The following SPATA3 variants were observed in gnomAD, a reference collection of about 807,000 sequenced individuals.
The protein encoded by SPATA3 is spermatogenesis-associated protein 3.
A neutral mutation model predicts 5.7 loss-of-function variants in SPATA3; 6 were observed. The observed-to-expected ratio is 1.06, with a 90% CI of 0.58 to 2.09. The LOEUF (loss-of-function observed/expected upper bound fraction) is 2.09. SPATA3 is among the 30% of genes most tolerant of loss of function. The pLI, the probability that SPATA3 is intolerant of heterozygous loss-of-function variation, is 0.00. For missense variants in SPATA3, 155 were observed against 130.4 expected (o/e 1.19, Z -0.92); for synonymous variants, 44 against 48.4 (o/e 0.91, Z 0.37).
intron 2 of SPATA3, 31 bp downstream of exon 2, chr2:231,000,568 G>A: frequency 6.8e-7 from 1 of 1,468,864 alleles, no homozygotes; most frequent in Non-Finnish European, 9.1e-7. Context: ...GAGCCTCGGG[G>A]CACACAGTCC....
chr2:231,019,163 G>T (rs1693012119), intron 6 of SPATA3, among the ~76,000 whole-genome samples: 1 of 150,080 alleles, frequency 6.7e-6, no homozygotes, highest in East Asian at 2.0e-4. Flanking sequence ...TAGAGACGGG[G>T]TTTCACCATG....
chr2:231,000,263 C>T, intron 1 of SPATA3, 103 bp from the exon 2 acceptor site: 3 of 1,097,442 alleles, frequency 2.7e-6, no homozygotes, highest in Non-Finnish European at 3.7e-6. Context: ...AATCCTGCAG[C>T]TGCTGCCGTT....
intron 6 of SPATA3, among the ~76,000 whole-genome samples, chr2:231,015,421 G>A (rs529688414): frequency 6.6e-6 from 1 of 152,266 alleles, no homozygotes; most frequent in South Asian, 2.1e-4. Context: ...GGAATTAGGG[G>A]AGGTGTGGGT....
intron 6 of SPATA3, among the ~76,000 whole-genome samples, chr2:231,016,752 C>T (rs1377333888): frequency 6.6e-6 from 1 of 152,112 alleles, no homozygotes; most frequent in Non-Finnish European, 1.5e-5. Context: ...GCAGCCAGGC[C>T]TTCTAGGGGG....
rs950354565 is a variant in SPATA3 at position 231,002,630 on chromosome 2, G to C, written c.963-54G>C. On this transcript the variant is annotated intron_variant, in intron 2 of 2. Transcript: ENST00000645363. The stretch of plus-strand genomic sequence containing the variant: ...TAATTTCCACTTTCTCCTGTTCGTA[G>C]AGAGGCACTGAAGCCCAGCTTCCCA... The C allele has an allele frequency of 1.4e-5, 16 of 1,134,076 alleles. No homozygotes were observed. The Admixed American group carries it at 3.8e-4, about 27-fold the overall frequency. The allele number at this position is 1,134,076 out of a possible 1,614,324, so 70.3% of individuals were successfully genotyped here.
At chr2:231,014,690 C>T (rs563831151) in intron 6 of SPATA3, among the ~76,000 whole-genome samples, 1 of 152,242 alleles carries the variant, frequency 6.6e-6, no homozygotes, top group South Asian at 2.1e-4. Flanking sequence ...TCCAAAAGGA[C>T]ACCCACCAAG....
downstream of SPATA3, among the ~76,000 whole-genome samples, chr2:231,005,429 A>ATG (rs1692567280): frequency 1.0e-5 from 1 of 97,616 alleles, no homozygotes; most frequent in South Asian, 4.1e-4. Flanking sequence ...CATCACCACC[A>ATG]CCACCACAAT....
chr2:231,008,872 G>T (rs1472267597), downstream of SPATA3, among the ~76,000 whole-genome samples: 1 of 152,202 alleles, frequency 6.6e-6, no homozygotes, highest in African/African-American at 2.4e-5. Context: ...CTCTGTAGCA[G>T]AGTTAGTTCC....
At chr2:230,998,102 C>T (rs944872119) in intron 1 of SPATA3, among the ~76,000 whole-genome samples, 1 of 152,138 alleles carries the variant, frequency 6.6e-6, no homozygotes, top group African/African-American at 2.4e-5. Flanking sequence ...CATCTCTGTC[C>T]GAGCATCTCC....
chr2:231,013,764 T>C (rs1295767466), intron 5 of SPATA3: 2 of 152,210 alleles, frequency 1.3e-5, no homozygotes, highest in African/African-American at 2.4e-5. Context: ...ATGTTTTTAA[T>C]TGTACTGGCA....
At chr2:230,999,375 G>T (rs2125094990) in intron 1 of SPATA3, among the ~76,000 whole-genome samples, 2 of 152,226 alleles carry the variant, frequency 1.3e-5, no homozygotes, top group South Asian at 4.2e-4. Flanking sequence ...GAATTTTATT[G>T]CCTGGGAATG....
intron 1 of SPATA3, 138 bp downstream of exon 1, chr2:230,996,672 T>C: frequency 8.4e-7 from 1 of 1,185,604 alleles, no homozygotes; most frequent in Non-Finnish European, 1.1e-6. Flanking sequence ...GGGAAGGTTT[T>C]TGTTTTTGTT....
chr2:231,001,479 T>C (rs989077006), intron 2 of SPATA3, among the ~76,000 whole-genome samples: 2 of 151,804 alleles, frequency 1.3e-5, no homozygotes, highest in Admixed American at 6.6e-5. Context: ...AAAAACTCCA[T>C]CTCTCCTACA....
chr2:230,999,408 T>C (rs1456593147), intron 1 of SPATA3, among the ~76,000 whole-genome samples: 1 of 152,154 alleles, frequency 6.6e-6, no homozygotes, highest in Non-Finnish European at 1.5e-5. Context: ...AAAAACTTTT[T>C]TGTAATTAAA....
rs867740667 is a variant in SPATA3, at chr2:230,996,272, C to G, written c.791-4094C>G. 3.9e-6 allele frequency: 6 copies of G among 1,550,942 alleles called. No homozygotes were observed. In the Middle Eastern group the frequency reaches 8.3e-4, roughly 215 times the overall value. On this transcript the variant is annotated intron_variant, in intron 1 of 2. Coordinates refer to ENST00000645363, the Ensembl canonical transcript of SPATA3. ...AGAAGAAAAGGTCAGAGGCCAGACG[C>G]CACCGAGACTCCACCTCCCAGCATG...
At chr2:230,999,060 T>C (rs563885827) in intron 1 of SPATA3, among the ~76,000 whole-genome samples, 1 of 152,236 alleles carries the variant, frequency 6.6e-6, no homozygotes, top group East Asian at 1.9e-4. Context: ...TATGGTGAAA[T>C]ACTATTTGGC....
downstream of SPATA3, among the ~76,000 whole-genome samples, chr2:231,004,663 C>A (rs1050647203): frequency 6.6e-5 from 10 of 152,144 alleles, no homozygotes; most frequent in African/African-American, 2.4e-4. Flanking sequence ...AAATTCCTTG[C>A]AGCAGAACCT....
chr2:231,006,946 GC>G, downstream of SPATA3: 1 of 152,322 alleles, frequency 6.6e-6, no homozygotes, highest in Non-Finnish European at 1.5e-5. Context: ...AGCTGCAGGG[GC>G]CCCCGGGGAA....
At chr2:231,007,680 G>C (rs1208371461), downstream of SPATA3, among the ~76,000 whole-genome samples, 1 of 152,208 alleles carries the variant, frequency 6.6e-6, no homozygotes, top group Non-Finnish European at 1.5e-5. Context: ...GCTTCTTTTA[G>C]GGTCACCTGT....
Sources: allele counts gnomAD v4.1 joint callset (sites outside exome capture counted in the v4.1 genomes callset), GRCh38; gene constraint gnomAD v4.1.1; transcripts MANE v1.5; gene names NCBI Gene and HGNC (gene_info 2026-07-23, HGNC 2026-07-21).